The following PCDHGA6 variants were observed in gnomAD, a reference collection of about 807,000 sequenced individuals.
PCDHGA6 encodes protocadherin gamma-A6.
PCDHGA6 carries 41 observed loss-of-function variants against 60.6 expected under a neutral mutation model. The observed-to-expected ratio is 0.68, with a 90% CI of 0.53 to 0.88. The LOEUF (loss-of-function observed/expected upper bound fraction) is 0.88, where lower values mean the gene tolerates loss of function less well. Ranked by LOEUF, PCDHGA6 falls within the 40% of genes least tolerant of loss-of-function variation. PCDHGA6 has a pLI of 0.00. For missense variants in PCDHGA6, 1,312 were observed against 1,203.0 expected (o/e 1.09, Z -1.34); for synonymous variants, 594 against 524.4 (o/e 1.13, Z -1.81).
At chr5:141,430,925 C>G (rs1313621122) in intron 1 of PCDHGA6, 2 of 1,607,162 alleles carry the variant, frequency 1.2e-6, no homozygotes, top group Non-Finnish European at 8.5e-7. Context: ...GGGGCTGGAG[C>G]CCCGGGAGCT....
In PCDHGA6 at chr5:141,375,349, GAC is replaced by G; in HGVS notation, c.1268_1269del (p.Thr423SerfsTer40). On this transcript the variant is annotated frameshift_variant, in exon 1 of 4. Transcript: ENST00000517434. LOFTEE classifies it high-confidence loss of function. ...AGGTATTCTTGTACAACATCACTGT[GAC>G]AGCCACGGACAAAGGAACACCACCT... Reference protein sequence around the residue: ...EEVFLYNITVTATDKGTPPLS... With the variant: ...EEVFLYNITVXATDKGTPPLS... 5 of 1,613,848 alleles carry G rather than the reference GAC, an allele frequency of 3.1e-6. No individual in the cohort carries two copies. In the South Asian group the frequency reaches 4.4e-5, roughly 14 times the overall value.
intron 2 of PCDHGA6, 142 bp downstream of exon 2, chr5:141,495,007 G>C (rs2099758216): frequency 2.0e-6 from 3 of 1,522,276 alleles, no homozygotes; most frequent in Non-Finnish European, 8.8e-7. Flanking sequence ...TTGGTGTGCG[G>C]GGGGCTGGCA....
At chr5:141,510,860 G>A (rs1274817106) in intron 3 of PCDHGA6, 87 bp from the exon 4 acceptor site, 11 of 1,606,558 alleles carry the variant, frequency 6.8e-6, no homozygotes, top group South Asian at 4.4e-5. Context: ...GTGCTGTATA[G>A]GCATTCATTA....
At chr5:141,404,819 A>G in intron 1 of PCDHGA6, 1 of 1,608,430 alleles carries the variant, frequency 6.2e-7, no homozygotes, top group South Asian at 1.1e-5. Flanking sequence ...GGGGCTGCAC[A>G]CAGGTGAAGT....
intron 1 of PCDHGA6, chr5:141,415,357 C>T: frequency 6.2e-7 from 1 of 1,614,250 alleles, no homozygotes; most frequent in Non-Finnish European, 8.5e-7. Context: ...CAAGTCACGC[C>T]TGCTGCAGGC....
At chr5:141,459,686 C>T (rs79275885) in intron 1 of PCDHGA6, among the ~76,000 whole-genome samples, 5,534 of 152,296 alleles carry the variant, frequency 0.036, 130 homozygotes, top group South Asian at 0.077. Flanking sequence ...ATGCATAAAG[C>T]GTTCCGCTTG....
Position 141,476,996 on chromosome 5 carries a change from C to T in PCDHGA6, c.2425-17811C>T. The T allele has an allele frequency of 6.2e-7, 1 of 1,614,250 alleles. No homozygotes were observed. Among genetic ancestry groups the T allele is most frequent in the Non-Finnish European group, 8.5e-7 (1 of 1,180,052 alleles). On this transcript the variant is annotated intron_variant, in intron 1 of 3. Coordinates refer to ENST00000517434, the MANE Select transcript of PCDHGA6 (RefSeq NM_018919.3). The surrounding 1 kb of genome is among the most constrained non-coding windows in gnomAD (Gnocchi z 7.6). ...CCACAACCGCGCCGGCGTGCGGCAA[C>T]TATTCGCCTTAGACCTTGTAACCGG...
intron 3 of PCDHGA6, among the ~76,000 whole-genome samples, chr5:141,510,054 G>A (rs1166696269): frequency 1.3e-5 from 2 of 152,180 alleles, no homozygotes; most frequent in Non-Finnish European, 2.9e-5. Context: ...AAAAGTGATT[G>A]TGCATGTGAA....
rs1247556723 is a variant in PCDHGA6 at position 141,489,841 on chromosome 5, G to A, written c.2425-4966G>A. 6.2e-7 allele frequency: 1 copy of A among 1,614,224 alleles called. No individual in the cohort carries two copies. The highest frequency in any genetic ancestry group is 1.7e-5 in the Admixed American group (1 of 60,032). On this transcript the variant is annotated intron_variant, in intron 1 of 3. Coordinates refer to ENST00000517434, the MANE Select transcript of PCDHGA6 (RefSeq NM_018919.3). The surrounding 1 kb of genome is among the most constrained non-coding windows in gnomAD (Gnocchi z 4.5). Reference sequence around the variant, plus strand: ...AGAGCTGGTGCTAGAGCAGCAGCTGGATCGTGAAGCCCAGGCAAGACATCA... The same window carrying A: ...AGAGCTGGTGCTAGAGCAGCAGCTGAATCGTGAAGCCCAGGCAAGACATCA...
At chr5:141,433,398 T>TCTAC (rs1487149690) in intron 1 of PCDHGA6, among the ~76,000 whole-genome samples, 2 of 151,396 alleles carry the variant, frequency 1.3e-5, no homozygotes, top group Non-Finnish European at 2.9e-5. Context: ...TATCTATCTA[T>TCTAC]CTATCTATTA....
At chr5:141,403,223 G>C (rs1414315950) in intron 1 of PCDHGA6, 2 of 1,613,968 alleles carry the variant, frequency 1.2e-6, no homozygotes, top group Non-Finnish European at 8.5e-7. Flanking sequence ...GGGTAGGATA[G>C]ACCGGGAGGA....
rs1485764871 is a variant in PCDHGA6, at chr5:141,486,709, C to A, written c.2425-8098C>A. On this transcript the variant is annotated intron_variant, in intron 1 of 3. Coordinates refer to ENST00000517434, the MANE Select transcript of PCDHGA6 (RefSeq NM_018919.3). The surrounding 1 kb of genome is among the most constrained non-coding windows in gnomAD (Gnocchi z 5.0). ...CTTCCTCTTTCATCTCTCTGAACCC[C>A]CAGACAGGAGCTGTTCATGCTACTC... 6.2e-7 allele frequency: 1 copy of A among 1,614,182 alleles called. No homozygotes were observed. Among genetic ancestry groups the A allele is most frequent in the Admixed American group, 1.7e-5 (1 of 60,022 alleles).
At chr5:141,479,877 T>C (rs967661238) in intron 1 of PCDHGA6, among the ~76,000 whole-genome samples, 2 of 152,188 alleles carry the variant, frequency 1.3e-5, no homozygotes, top group African/African-American at 4.8e-5. Flanking sequence ...GAGAACCCTA[T>C]ACATACTCTC....
chr5:141,374,477 C>T lies in PCDHGA6; in HGVS notation c.394C>T (p.Arg132Ter), dbSNP rs376389009. 7.4e-6 allele frequency: 12 copies of T among 1,611,808 alleles called. No homozygotes were observed. The highest frequency in any genetic ancestry group is 9.3e-6 in the Non-Finnish European group (11 of 1,178,160). The change falls in exon 1 of 4, where the codon CGA becomes TGA. Residue 132 changes from arginine to a stop codon, truncating the protein, a stop_gained. Transcript: ENST00000517434. LOFTEE classifies it high-confidence loss of function. ...EIVDINDNTP[R>*]FLKEELEVKI... ...AGTGGACATTAATGACAATACACCC[C>T]GATTCTTAAAGGAAGAATTGGAAGT...
At chr5:141,415,258 C>G (rs1228702476) in intron 1 of PCDHGA6, 1 of 1,614,214 alleles carries the variant, frequency 6.2e-7, no homozygotes, top group Non-Finnish European at 8.5e-7. Context: ...AGACCTCACT[C>G]TGTACCTGGT....
chr5:141,405,364 C>G, intron 1 of PCDHGA6: 1 of 1,613,548 alleles, frequency 6.2e-7, no homozygotes, highest in Non-Finnish European at 8.5e-7. Context: ...TAGAAGACAC[C>G]CCTTTGGTTC....
chr5:141,387,926 G>A (rs888934094), intron 1 of PCDHGA6: 1 of 1,236,078 alleles, frequency 8.1e-7, no homozygotes, highest in South Asian at 1.5e-5. Context: ...CTGAGAGGCT[G>A]CCAGTGCTCT....
intron 1 of PCDHGA6, among the ~76,000 whole-genome samples, chr5:141,433,680 A>G (rs570459317): frequency 1.3e-5 from 2 of 152,236 alleles, no homozygotes; most frequent in African/African-American, 4.8e-5. Context: ...TACTAAAAAA[A>G]TACAAAATTA....
intron 1 of PCDHGA6, chr5:141,404,287 C>T: frequency 6.2e-7 from 1 of 1,613,976 alleles, no homozygotes; most frequent in Non-Finnish European, 8.5e-7. Context: ...TGACTGACAT[C>T]AATGATAATC....
Sources: gnomAD v4.1 joint callset for allele counts (sites outside exome capture counted in the v4.1 genomes callset) on GRCh38, gnomAD v4.1.1 for gene constraint, Gnocchi (gnomAD v3.1) non-coding constraint, MANE v1.5 for transcripts, NCBI Gene and HGNC (gene_info 2026-07-23, HGNC 2026-07-21) for gene names.